The following TTLL5 variants were observed in gnomAD, a reference collection of about 807,000 sequenced individuals.
The protein encoded by TTLL5 is tubulin tyrosine ligase like 5.
A neutral mutation model predicts 168.4 loss-of-function variants in TTLL5; 132 were observed. That is an observed-to-expected ratio of 0.78 (90% CI 0.68 to 0.91). The LOEUF (loss-of-function observed/expected upper bound fraction) is 0.91, where lower values mean the gene tolerates loss of function less well. Ranked by LOEUF, TTLL5 falls within the 40% of genes least tolerant of loss-of-function variation. The pLI, the probability that TTLL5 is intolerant of heterozygous loss-of-function variation, is 0.00. For missense variants in TTLL5, 1,545 were observed against 1,581.5 expected, an observed-to-expected ratio of 0.98 and a Z score of 0.39; for synonymous variants, 546 against 558.6, an observed-to-expected ratio of 0.98 and a Z score of 0.32.
At chr14:75,876,992 C>T (rs76545353) in intron 29 of TTLL5, among the ~76,000 whole-genome samples, 1,671 of 152,238 alleles carry the variant, frequency 0.011, 19 homozygotes, top group Non-Finnish European at 0.016. Context: ...GGGAAACGGA[C>T]AAGAAATGTC....
chr14:75,882,573 A>G, intron 29 of TTLL5, 112 bp from the exon 30 acceptor site: 1 of 951,462 alleles, frequency 1.1e-6, no homozygotes, highest in Non-Finnish European at 1.5e-6. Flanking sequence ...AAAAAAAATT[A>G]ACAGTTGTCC....
At chr14:75,893,686 C>T (rs1184464200) in intron 30 of TTLL5, among the ~76,000 whole-genome samples, 3 of 151,876 alleles carry the variant, frequency 2.0e-5, no homozygotes, top group Non-Finnish European at 4.4e-5. Context: ...GGCGGGGTGA[C>T]GCACGCCTGT....
At chr14:75,765,722 G>T (rs994239103) in intron 19 of TTLL5, among the ~76,000 whole-genome samples, 1 of 152,154 alleles carries the variant, frequency 6.6e-6, no homozygotes, top group East Asian at 1.9e-4. Context: ...AATTAGCTGG[G>T]TATGGTAACA....
intron 31 of TTLL5, among the ~76,000 whole-genome samples, chr14:75,928,400 TG>T (rs1398985274): frequency 4.1e-5 from 6 of 145,320 alleles, no homozygotes; most frequent in African/African-American, 1.5e-4. Flanking sequence ...TATCATTTCC[TG>T]GGCAAAATGT....
At chr14:75,954,176 C>T (rs2035042947) in intron 31 of TTLL5, among the ~76,000 whole-genome samples, 1 of 148,958 alleles carries the variant, frequency 6.7e-6, no homozygotes, top group Non-Finnish European at 1.5e-5. Flanking sequence ...TGGTGTGAAC[C>T]CGGGAGGCGG....
Position 75,779,556 on chromosome 14 carries a change from C to T in TTLL5, c.2388-19C>T. ...CAGAATAGCTTCCTGTCTGACCATA[C>T]TTTTTCTCCTCATTTCAGTGAGGCT... is the stretch of plus-strand genomic sequence containing the variant. On this transcript the variant is annotated intron_variant, in intron 23 of 31. Coordinates refer to ENST00000298832, the MANE Select transcript of TTLL5 (RefSeq NM_015072.5). 1.2e-6 allele frequency: 2 copies of T among 1,609,196 alleles called. No individual in the cohort carries two copies. Among genetic ancestry groups the T allele is most frequent in the Non-Finnish European group, 1.7e-6 (2 of 1,178,530 alleles).
chr14:75,690,214 G>A lies in TTLL5; in HGVS notation c.394G>A (p.Asp132Asn). The part of the protein sequence containing the change: ...FPRSYELTRK[D>N]RLYKNIIRMQ... ...CAGGTCTTATGAACTTACCCGGAAG[G>A]ACCGACTGTACAAAAACATTATTCG... The change falls in exon 6 of 32, where the codon GAC (aspartate) becomes AAC (asparagine). Residue 132 changes from aspartate (D) to asparagine (N), a missense_variant. Asp to Asn is a conservative substitution (Grantham distance 23, BLOSUM62 1). Coordinates refer to ENST00000298832, the MANE Select transcript of TTLL5 (RefSeq NM_015072.5). The A allele has an allele frequency of 6.2e-7, 1 of 1,613,464 alleles. No individual in the cohort carries two copies. The highest frequency in any genetic ancestry group is 8.5e-7 in the Non-Finnish European group (1 of 1,179,754).
chr14:75,909,121 G>T (rs543795382), intron 31 of TTLL5, among the ~76,000 whole-genome samples: 1 of 151,688 alleles, frequency 6.6e-6, no homozygotes, highest in Non-Finnish European at 1.5e-5. Context: ...ATCCTTGCAG[G>T]CCCAGGCGAG....
chr14:75,873,686 T>C (rs1037651545), intron 29 of TTLL5, among the ~76,000 whole-genome samples: 3 of 152,166 alleles, frequency 2.0e-5, no homozygotes, highest in Non-Finnish European at 2.9e-5. Flanking sequence ...TTTTGGGTAC[T>C]ACATACCACA....
intron 5 of TTLL5, among the ~76,000 whole-genome samples, chr14:75,687,455 G>T (rs1259980342): frequency 6.6e-6 from 1 of 151,946 alleles, no homozygotes; most frequent in Admixed American, 6.6e-5. Context: ...TGTAGTTTTA[G>T]TAGAGACGGG....
chr14:75,677,007 A>T (rs1218093197), intron 3 of TTLL5, among the ~76,000 whole-genome samples: 1 of 152,086 alleles, frequency 6.6e-6, no homozygotes, highest in Non-Finnish European at 1.5e-5. Flanking sequence ...TCTGGCCTCA[A>T]GCAGCCCTCC....
At chr14:75,665,929 C>T (rs974048521) in intron 2 of TTLL5, among the ~76,000 whole-genome samples, 1 of 152,128 alleles carries the variant, frequency 6.6e-6, no homozygotes, top group Non-Finnish European at 1.5e-5. Flanking sequence ...TACTATGGTT[C>T]GTTGCCTATA....
Position 75,859,483 on chromosome 14 carries a change from G to GT in TTLL5, c.3327-4182dup, listed in dbSNP as rs527765218. Among the ~76,000 whole-genome samples, 17 of 152,332 alleles carry GT rather than the reference G, an allele frequency of 1.1e-4. No homozygotes were observed. In the South Asian group the frequency reaches 3.5e-3, roughly 32 times the overall value. ...CAGCCTAATTCACTTTGAATCAGAT[G>GT]TTAAGCACAGAACCTTCCCACAGCT... On this transcript the variant is annotated intron_variant, in intron 28 of 31. Transcript: ENST00000298832.
chr14:75,729,659 T>A (rs777036894), intron 12 of TTLL5, among the ~76,000 whole-genome samples: 1 of 152,182 alleles, frequency 6.6e-6, no homozygotes, highest in Non-Finnish European at 1.5e-5. Context: ...CTTCTCCAAC[T>A]CTTAAATGAT....
At chr14:75,926,156 C>CTTTTTTTTTT (rs34048806) in intron 31 of TTLL5, among the ~76,000 whole-genome samples, 3 of 29,958 alleles carry the variant, frequency 1.0e-4, no homozygotes, top group African/African-American at 3.9e-4. Flanking sequence ...GCAACCCCAG[C>CTTTTTTTTTT]TTTTTTTTTT....
intron 13 of TTLL5, 55 bp downstream of exon 13, chr14:75,732,474 ACT>A: frequency 7.2e-7 from 1 of 1,397,248 alleles, no homozygotes; most frequent in Admixed American, 2.3e-5. Flanking sequence ...TACTTAAAGC[ACT>A]TTTTTTTTTT....
At chr14:75,692,757 T>C (rs915950958) in intron 6 of TTLL5, among the ~76,000 whole-genome samples, 1 of 152,136 alleles carries the variant, frequency 6.6e-6, no homozygotes, top group East Asian at 1.9e-4. Flanking sequence ...CATTGGGTTT[T>C]TAACCAGGGA....
chr14:75,737,241 G>A (rs1393513549), intron 15 of TTLL5, among the ~76,000 whole-genome samples: 1 of 152,148 alleles, frequency 6.6e-6, no homozygotes. Context: ...CTTACATAAA[G>A]GCTAAAGGAA....
intron 17 of TTLL5, 111 bp downstream of exon 17, chr14:75,745,692 T>C: frequency 2.5e-6 from 2 of 798,472 alleles, no homozygotes; most frequent in Non-Finnish European, 4.0e-6. Context: ...TTATTTTGTT[T>C]ATTTATAATA....
Sources: allele counts gnomAD v4.1 joint callset (sites outside exome capture counted in the v4.1 genomes callset), GRCh38; gene constraint gnomAD v4.1.1; transcripts MANE v1.5; gene names NCBI Gene and HGNC (gene_info 2026-07-23, HGNC 2026-07-21).